The following ZP3 variants were observed in gnomAD, a reference collection of about 807,000 sequenced individuals.
ZP3 encodes zona pellucida glycoprotein 3, also known as zona pellucida sperm-binding protein 3.
In ZP3, 21 loss-of-function variants were observed where a neutral mutation model predicts 35.6. That is an observed-to-expected ratio of 0.59 (90% CI 0.42 to 0.85). The LOEUF (loss-of-function observed/expected upper bound fraction) is 0.85, where lower values mean the gene tolerates loss of function less well. Ranked by LOEUF, ZP3 falls within the 40% of genes least tolerant of loss-of-function variation. ZP3 has a pLI of 0.00. For missense variants in ZP3, 437 were observed against 536.5 expected (o/e 0.81, Z 1.83); for synonymous variants, 207 against 214.5 (o/e 0.96, Z 0.31).
In ZP3 at chr7:76,433,546, T is replaced by A. The variant is rs1304429670; in HGVS notation, c.612T>A (p.Thr204=). 1.2e-6 allele frequency: 2 copies of A among 1,614,060 alleles called. No homozygotes were observed. The highest frequency in any genetic ancestry group is 1.7e-5 in the Admixed American group (1 of 59,994). The change falls in exon 4 of 8, where the codon ACT becomes ACA. Residue 204 remains threonine, a synonymous_variant. Coordinates refer to ENST00000394857, the MANE Select transcript of ZP3 (RefSeq NM_001110354.2). The part of the protein sequence containing the change: ...DAAHLQAEIH[T]GSHVPLRLFV... ...CCCACCTCCAGGCAGAAATCCACAC[T>A]GGCAGCCACGTGCCACTGCGGTTGT...
chr7:76,427,732 C>T (rs529601185), intron 1 of ZP3, among the ~76,000 whole-genome samples: 2 of 152,276 alleles, frequency 1.3e-5, no homozygotes, highest in East Asian at 3.9e-4. Context: ...TTGGTCAGGG[C>T]CAGGCAGCCA....
chr7:76,439,131 CAAA>C (rs775953355), intron 5 of ZP3, among the ~76,000 whole-genome samples: 4 of 75,434 alleles, frequency 5.3e-5, no homozygotes, highest in Admixed American at 1.6e-4. Flanking sequence ...GACTCCACCT[CAAA>C]AAAAAAAAAA....
intron 1 of ZP3, among the ~76,000 whole-genome samples, chr7:76,409,891 C>T (rs920742756): frequency 2.0e-5 from 3 of 152,116 alleles, no homozygotes; most frequent in Admixed American, 6.6e-5. Context: ...CCAGGAGTCC[C>T]GCCTGATGAT....
In ZP3 at chr7:76,425,030, C is replaced by A. The variant is rs764793375; in HGVS notation, c.66C>A (p.Pro22=). The A allele has an allele frequency of 1.3e-6, 2 of 1,595,756 alleles. No individual in the cohort carries two copies. Among genetic ancestry groups the A allele is most frequent in the Non-Finnish European group, 1.7e-6 (2 of 1,171,708 alleles). ...GGGGTAGTACTGAGCTGTGCTACCC[C>A]CAACCCCTCTGGCTCTTGCAGGGTG... ...LLWGSTELCY[P]QPLWLLQGGA... The change falls in exon 1 of 8, where the codon CCC becomes CCA. Residue 22 remains proline (P), a synonymous_variant. Transcript: ENST00000394857.
At chr7:76,428,256 G>A (rs866339387) in intron 1 of ZP3, among the ~76,000 whole-genome samples, 6 of 152,068 alleles carry the variant, frequency 3.9e-5, no homozygotes, top group African/African-American at 7.2e-5. Flanking sequence ...GGGAGGCGGA[G>A]GTTGCAGTGA....
chr7:76,427,408 T>C (rs1479957644), intron 1 of ZP3, among the ~76,000 whole-genome samples: 8 of 150,864 alleles, frequency 5.3e-5, no homozygotes, highest in Admixed American at 3.3e-4. Context: ...TCCCAGCTAC[T>C]CAGGAGTCTG....
In ZP3 at chr7:76,430,169, T is replaced by C. The variant is rs150404128; in HGVS notation, c.431+536T>C. Among the ~76,000 whole-genome samples, 900 of 151,876 alleles carry C rather than the reference T, an allele frequency of 5.9e-3. 13 individuals carry two copies. Among genetic ancestry groups the C allele is most frequent in the African/African-American group, 0.021 (865 of 41,414 alleles). ...AGGCTGCAGTGAGCCGAGATTGCAC[T>C]GCTGTACTCCATTCTGGGCAACAAA... is the stretch of plus-strand genomic sequence containing the variant. On this transcript the variant is annotated intron_variant, in intron 2 of 7. Coordinates refer to ENST00000394857, the MANE Select transcript of ZP3 (RefSeq NM_001110354.2).
At chr7:76,399,487 C>T (rs1804744725) in intron 1 of ZP3, among the ~76,000 whole-genome samples, 2 of 152,116 alleles carry the variant, frequency 1.3e-5, no homozygotes, top group South Asian at 4.1e-4. Context: ...GTTTCCGCTG[C>T]AGCTCTATGC....
At chr7:76,420,357 G>A (rs891816771), upstream of ZP3, among the ~76,000 whole-genome samples, 1 of 152,092 alleles carries the variant, frequency 6.6e-6, no homozygotes, top group African/African-American at 2.4e-5. Flanking sequence ...TTGGCTTTTT[G>A]ATCCTTAGCT....
At chr7:76,436,884 T>G (rs1638143) in intron 5 of ZP3, among the ~76,000 whole-genome samples, 7 of 152,336 alleles carry the variant, frequency 4.6e-5, no homozygotes, top group South Asian at 2.1e-4. Context: ...CTCTGGGGGT[T>G]GAGGGGTAAC....
At chr7:76,437,930 C>T (rs1298766126) in intron 5 of ZP3, among the ~76,000 whole-genome samples, 239 of 152,142 alleles carry the variant, frequency 1.6e-3, no homozygotes, top group African/African-American at 5.6e-3. Flanking sequence ...GACAACAGGG[C>T]CTTGGAAGCT....
At chr7:76,400,353 C>T (rs1454541457) in intron 1 of ZP3, 1 of 1,546,036 alleles carries the variant, frequency 6.5e-7, no homozygotes, top group Non-Finnish European at 8.8e-7. Context: ...GGCTGCCGCA[C>T]TCGCTCAGCG....
At chr7:76,418,582 C>T (rs1310974591) in intron 1 of ZP3, among the ~76,000 whole-genome samples, 2 of 114,412 alleles carry the variant, frequency 1.7e-5, no homozygotes, top group African/African-American at 3.4e-5. Context: ...AAAGGCTGGG[C>T]ACAGTGGCTC....
chr7:76,418,550 C>CA (rs1203476650), intron 1 of ZP3, among the ~76,000 whole-genome samples: 12,259 of 29,596 alleles, frequency 0.41, 3,158 homozygotes, highest in East Asian at 0.58. Context: ...GATTTCATCT[C>CA]AAAAAAAAAA....
intron 2 of ZP3, among the ~76,000 whole-genome samples, chr7:76,430,792 A>G (rs1005368879): frequency 6.6e-6 from 1 of 152,180 alleles, no homozygotes; most frequent in Non-Finnish European, 1.5e-5. Context: ...GGACATCATG[A>G]GGGATGAGCC....
At chr7:76,430,834 T>C (rs183897545) in intron 2 of ZP3, among the ~76,000 whole-genome samples, 1 of 152,282 alleles carries the variant, frequency 6.6e-6, no homozygotes, top group Non-Finnish European at 1.5e-5. Flanking sequence ...GTAGGGGTTA[T>C]CCTAGAACAG....
rs1805464638 is a variant in ZP3, at chr7:76,419,832, T to G, written c.-66-5220T>G. Among the ~76,000 whole-genome samples the G allele has an allele frequency of 2.2e-5, 3 of 134,474 alleles. No individual in the cohort carries two copies. In the South Asian group the frequency reaches 8.1e-4, roughly 36 times the overall value. 88.2% of individuals were successfully genotyped at this position (134,474 alleles called of 152,430 possible). ...TTCTTTTTTTGAGACAGACTCTCAC[T>G]CTGTCGCCAGGCTGGAGTGCAGTGG... On this transcript the variant is annotated intron_variant, in intron 1 of 8. Transcript: ENST00000336517.
chr7:76,412,959 C>CTT (rs1163502002), intron 1 of ZP3, among the ~76,000 whole-genome samples: 80 of 90,342 alleles, frequency 8.9e-4, no homozygotes, highest in Non-Finnish European at 1.6e-3. Context: ...TCTTCTTCTT[C>CTT]TTCTTCTTTT....
chr7:76,420,145 CTTCCTA>C (rs1432869830), upstream of ZP3, among the ~76,000 whole-genome samples: 1 of 151,514 alleles, frequency 6.6e-6, no homozygotes, highest in African/African-American at 2.4e-5. Flanking sequence ...TCCTCTTCCC[CTTCCTA>C]TTCCTCTTCC....
Sources: allele counts gnomAD v4.1 joint callset (sites outside exome capture counted in the v4.1 genomes callset), GRCh38; gene constraint gnomAD v4.1.1; transcripts MANE v1.5; gene names NCBI Gene and HGNC (gene_info 2026-07-23, HGNC 2026-07-21).